The following CLIC5 variants were observed in gnomAD, a reference collection of about 807,000 sequenced individuals.
The protein encoded by CLIC5 is CLIC family member 5.
Under a neutral mutation model 24.7 loss-of-function variants are expected in CLIC5, and 20 were observed. The ratio of observed to expected loss-of-function variants is 0.81; its 90% confidence interval spans 0.57 to 1.18. The LOEUF (loss-of-function observed/expected upper bound fraction) is 1.18, where lower values mean the gene tolerates loss of function less well. Ranked by LOEUF, CLIC5 falls within the 50% of genes most tolerant of loss-of-function variation. CLIC5 has a pLI of 0.00. For missense variants in CLIC5, 341 were observed against 326.1 expected (o/e 1.05, Z -0.35); for synonymous variants, 159 against 135.6 (o/e 1.17, Z -1.20).
intron 5 of CLIC5, among the ~76,000 whole-genome samples, chr6:45,906,175 G>C (rs1471505754): frequency 6.6e-6 from 1 of 152,074 alleles, no homozygotes; most frequent in African/African-American, 2.4e-5. Context: ...TTTTGCGTAG[G>C]GTGGCTTTGG....
intron 5 of CLIC5, among the ~76,000 whole-genome samples, chr6:45,904,671 T>TCCCTCCTTCTTTCCTTCCCTCCCTACTC (rs1273604021): frequency 6.7e-3 from 24 of 3,564 alleles, no homozygotes; most frequent in African/African-American, 0.023. Context: ...CCTACTCCCT[T>TCCCTCCTTCTTTCCTTCCCTCCCTACTC]CCTTCCTTCC....
chr6:45,912,272 A>T, intron 5 of CLIC5: 3 of 996,582 alleles, frequency 3.0e-6, no homozygotes, highest in Non-Finnish European at 3.6e-6. Context: ...GATAGGGGCC[A>T]AGGGCTGGCC....
In CLIC5 at chr6:45,945,109, C is replaced by A. The variant is rs149810739; in HGVS notation, c.300-3456G>T. On this transcript the variant is annotated intron_variant, in intron 3 of 5. Coordinates refer to ENST00000339561, the MANE Select transcript of CLIC5 (RefSeq NM_016929.5). ...TTTAAGACCTAAGGTCACCAATTGT[C>A]TGTACAATTGCACCTGGGAGACAGA... is the stretch of plus-strand genomic sequence containing the variant. 2.0e-3 allele frequency among the ~76,000 whole-genome samples: 300 copies of A among 152,300 alleles called. 4 individuals carry two copies. The highest frequency in any genetic ancestry group is 6.8e-3 in the African/African-American group (281 of 41,574).
At chr6:46,021,672 A>C (rs1757375687) in intron 1 of CLIC5, among the ~76,000 whole-genome samples, 1 of 152,236 alleles carries the variant, frequency 6.6e-6, no homozygotes, top group African/African-American at 2.4e-5. Flanking sequence ...AGTGAAAAAG[A>C]AAAGCAGTCT....
chr6:45,920,939 C>G (rs1317135830), intron 4 of CLIC5, among the ~76,000 whole-genome samples: 1 of 152,176 alleles, frequency 6.6e-6, no homozygotes, highest in South Asian at 2.1e-4. Context: ...CAATCCCCTC[C>G]CCCACCAGAA....
the CLIC5 span, among the ~76,000 whole-genome samples, chr6:46,123,969 G>A: frequency 6.6e-6 from 1 of 152,166 alleles, no homozygotes; most frequent in Non-Finnish European, 1.5e-5. Flanking sequence ...CATGCTCATG[G>A]ATAGGAAGAA....
At chr6:45,965,024 ATAT>A (rs1764972168) in intron 1 of CLIC5, among the ~76,000 whole-genome samples, 1 of 152,208 alleles carries the variant, frequency 6.6e-6, no homozygotes, top group Non-Finnish European at 1.5e-5. Flanking sequence ...TATTTATGAA[ATAT>A]TATGCCTTGA....
intron 1 of CLIC5, among the ~76,000 whole-genome samples, chr6:45,991,302 T>C (rs1488180706): frequency 2.6e-5 from 4 of 152,214 alleles, no homozygotes; most frequent in East Asian, 1.9e-4. Context: ...AGCAAGCTAC[T>C]ATCATGTGAA....
At chr6:45,941,386 G>A (rs1033737746) in intron 4 of CLIC5, among the ~76,000 whole-genome samples, 161 bp downstream of exon 4, 1 of 114,680 alleles carries the variant, frequency 8.7e-6, no homozygotes, top group African/African-American at 3.5e-5. Context: ...TGTCAAGGGG[G>A]ACAAGATGGT....
chr6:45,916,325 TG>T lies in CLIC5; in HGVS notation c.407-1917del, dbSNP rs574302911. Reference sequence around the variant, plus strand: ...TATATTCCTTAATAATTGTCTAGACTGTGATGGGATTGCAAGGCTATTCAAA... The same window carrying T: ...TATATTCCTTAATAATTGTCTAGACTTGATGGGATTGCAAGGCTATTCAAA... On this transcript the variant is annotated intron_variant, in intron 4 of 5. Coordinates refer to ENST00000339561, the MANE Select transcript of CLIC5 (RefSeq NM_016929.5). Among the ~76,000 whole-genome samples the T allele has an allele frequency of 9.1e-4, 139 of 152,290 alleles. 4 individuals carry two copies. In the South Asian group the frequency reaches 0.027, roughly 30 times the overall value.
chr6:46,016,574 A>T (rs1201515277), upstream of CLIC5, among the ~76,000 whole-genome samples: 1 of 151,888 alleles, frequency 6.6e-6, no homozygotes, highest in Non-Finnish European at 1.5e-5. Flanking sequence ...ATCTTACTTC[A>T]TTCCCGTTCT....
chr6:45,908,157 TTTG>T (rs960286709), intron 5 of CLIC5, among the ~76,000 whole-genome samples: 12 of 152,246 alleles, frequency 7.9e-5, no homozygotes, highest in East Asian at 5.8e-4. Context: ...GATTTTCTTT[TTTG>T]TTGTTGTTGT....
chr6:46,007,847 C>T (rs1353170181), intron 1 of CLIC5, among the ~76,000 whole-genome samples: 2 of 150,458 alleles, frequency 1.3e-5, no homozygotes, highest in Non-Finnish European at 3.0e-5. Flanking sequence ...GCAACCAGTG[C>T]GTGGCAGACC....
chr6:46,068,578 A>G (rs1278427641), intron 1 of CLIC5, among the ~76,000 whole-genome samples: 1 of 152,150 alleles, frequency 6.6e-6, no homozygotes. Context: ...TATGGCCCGA[A>G]TTGTATACAT....
At chr6:45,923,747 C>T (rs985083338) in intron 4 of CLIC5, among the ~76,000 whole-genome samples, 2 of 152,096 alleles carry the variant, frequency 1.3e-5, no homozygotes, top group African/African-American at 4.8e-5. Context: ...ATCACCATTT[C>T]CTAAATGACA....
the CLIC5 span, among the ~76,000 whole-genome samples, chr6:46,101,754 G>A: frequency 6.6e-6 from 1 of 152,282 alleles, no homozygotes; most frequent in East Asian, 1.9e-4. Context: ...TAGTGCAGGG[G>A]CTCAATCTAA....
chr6:46,031,486 C>T (rs1162143291), intron 1 of CLIC5, among the ~76,000 whole-genome samples: 2 of 152,174 alleles, frequency 1.3e-5, no homozygotes, highest in South Asian at 2.1e-4. Context: ...CTCATTTATT[C>T]AATTGGTAAA....
chr6:46,016,014 G>T, upstream of CLIC5: 1 of 528,354 alleles, frequency 1.9e-6, no homozygotes, highest in Non-Finnish European at 2.4e-6. Flanking sequence ...CGGAGACAGA[G>T]CTGGTCCTGG....
intron 4 of CLIC5, among the ~76,000 whole-genome samples, chr6:45,925,410 T>C (rs1351557205): frequency 6.6e-6 from 1 of 151,026 alleles, no homozygotes. Context: ...TCCATCTCCC[T>C]GGCTCAAGCA....
Sources: allele counts gnomAD v4.1 joint callset (sites outside exome capture counted in the v4.1 genomes callset), GRCh38; gene constraint gnomAD v4.1.1; transcripts MANE v1.5; gene names NCBI Gene and HGNC (gene_info 2026-07-23, HGNC 2026-07-21).